Variants in PBX1 observed in about 807,000 individuals in gnomAD.
The protein encoded by PBX1 is pre-B-cell leukemia transcription factor 1.
PBX1 carries 6 observed loss-of-function variants against 53.4 expected under a neutral mutation model. That is an observed-to-expected ratio of 0.11 (90% CI 0.06 to 0.22). PBX1 has a LOEUF of 0.22. Ranked by LOEUF, PBX1 falls within the 10% of genes least tolerant of loss-of-function variation. The pLI, the probability that PBX1 is intolerant of heterozygous loss-of-function variation, is 1.00. For missense variants in PBX1, 251 were observed against 551.4 expected (o/e 0.46, Z 5.46); for synonymous variants, 204 against 212.3 (o/e 0.96, Z 0.34).
At chr1:164,826,624 C>CA (rs1030902685) in intron 8 of PBX1, among the ~76,000 whole-genome samples, 4 of 152,108 alleles carry the variant, frequency 2.6e-5, no homozygotes, top group African/African-American at 9.7e-5. Context: ...AGGCTGGTCT[C>CA]AAACTCCTGA....
rs564177542 is a variant in PBX1 at position 164,670,427 on chromosome 1, G to A, written c.265+107116G>A. 2.0e-5 allele frequency among the ~76,000 whole-genome samples: 3 copies of A among 152,278 alleles called. No homozygotes were observed. The South Asian group carries it at 6.2e-4, about 32-fold the overall frequency. On this transcript the variant is annotated intron_variant, in intron 2 of 8. Coordinates refer to ENST00000420696, the MANE Select transcript of PBX1 (RefSeq NM_002585.4). ...TCCCCTTACTCTCATTAAAAAATAT[G>A]TATGTCAGCTATCCCTCCTTCCTTT...
intron 2 of PBX1, among the ~76,000 whole-genome samples, chr1:164,593,819 T>C (rs1300008468): frequency 6.6e-6 from 1 of 152,196 alleles, no homozygotes; most frequent in Non-Finnish European, 1.5e-5. Flanking sequence ...CTCCGTTTCT[T>C]CCGTGGCTCT....
rs559047233 is a variant in PBX1 at position 164,793,665 on chromosome 1, G to C, written c.510+927G>C. Among the ~76,000 whole-genome samples, 3 of 152,164 alleles carry C rather than the reference G, an allele frequency of 2.0e-5. No homozygotes were observed. In the East Asian group the frequency reaches 5.8e-4, roughly 29 times the overall value. ...TAGTTCCTCTGGTTAGTGTAAGCAT[G>C]CTACTTTATCAGGAGTCCTTTAACA... On this transcript the variant is annotated intron_variant, in intron 3 of 8. Coordinates refer to ENST00000420696, the MANE Select transcript of PBX1 (RefSeq NM_002585.4).
rs1484674087 is a variant in PBX1 at position 164,649,593 on chromosome 1, ATTG to A, written c.265+86284_265+86286del. On this transcript the variant is annotated intron_variant, in intron 2 of 8. Coordinates refer to ENST00000420696, the MANE Select transcript of PBX1 (RefSeq NM_002585.4). ...GAGCCATGGCCACTTGGCTTCCTAG[ATTG>A]TGTCCCATGAATTCAAGCATAAGGA... Among the ~76,000 whole-genome samples the A allele has an allele frequency of 5.9e-5, 9 of 152,134 alleles. No homozygotes were observed. The East Asian group carries it at 1.2e-3, about 20-fold the overall frequency.
At chr1:164,624,327 T>C (rs1571092086) in intron 2 of PBX1, among the ~76,000 whole-genome samples, 2 of 152,222 alleles carry the variant, frequency 1.3e-5, no homozygotes, top group South Asian at 4.1e-4. Flanking sequence ...ATCAAGACCA[T>C]GTAAGCTCAG....
intron 2 of PBX1, among the ~76,000 whole-genome samples, chr1:164,672,741 A>G (rs1661187965): frequency 6.6e-6 from 1 of 152,232 alleles, no homozygotes; most frequent in African/African-American, 2.4e-5. Context: ...ACATCTGATT[A>G]TTCGCAACTG....
chr1:164,867,657 T>A (rs1672249617), intron 2 of PBX1, among the ~76,000 whole-genome samples: 1 of 152,122 alleles, frequency 6.6e-6, no homozygotes, highest in Non-Finnish European at 1.5e-5. Flanking sequence ...GAATTATAAA[T>A]AAACCCCAGA....
intron 2 of PBX1, among the ~76,000 whole-genome samples, chr1:164,594,529 CCT>C (rs1655623841): frequency 1.3e-5 from 2 of 152,144 alleles, no homozygotes; most frequent in Non-Finnish European, 2.9e-5. Flanking sequence ...GATCCTCCTG[CCT>C]TGGCCTCCCA....
intron 2 of PBX1, among the ~76,000 whole-genome samples, chr1:164,589,933 G>C (rs542442998): frequency 3.3e-5 from 5 of 152,310 alleles, no homozygotes; most frequent in African/African-American, 1.2e-4. Flanking sequence ...GAAAGGCCAG[G>C]TGCGGTGGCT....
chr1:164,786,693 G>A (rs1388702779), intron 2 of PBX1, among the ~76,000 whole-genome samples: 1 of 143,978 alleles, frequency 6.9e-6, no homozygotes, highest in Non-Finnish European at 1.5e-5. Context: ...GTGTGTGTGT[G>A]TGTGTGTGTG....
Position 164,880,872 on chromosome 1 carries a change from GAC to G in PBX1, n.258-18314_258-18313del, listed in dbSNP as rs1488133864. 1.1e-4 allele frequency among the ~76,000 whole-genome samples: 16 copies of G among 152,368 alleles called. No homozygotes were observed. In the South Asian group the frequency reaches 3.3e-3, roughly 32 times the overall value. Reference sequence around the variant, plus strand: ...TAGCTATTGTTGCATTACTGATAAGGACAGTTTGGAAAAGGAAAAAAGCCACT... The same window carrying G: ...TAGCTATTGTTGCATTACTGATAAGGAGTTTGGAAAAGGAAAAAAGCCACT... On this transcript the variant is annotated intron_variant and non_coding_transcript_variant, in intron 2 of 2. Coordinates refer to the PBX1 transcript ENST00000558796.
intron 2 of PBX1, among the ~76,000 whole-genome samples, chr1:164,634,885 G>A (rs2792249): frequency 0.32 from 49,345 of 151,890 alleles, 9,162 homozygotes; most frequent in Middle Eastern, 0.44. Context: ...CTATGTGCAC[G>A]TGGTTCTATG....
At chr1:164,775,444 G>A (rs937930631) in intron 2 of PBX1, among the ~76,000 whole-genome samples, 5 of 152,090 alleles carry the variant, frequency 3.3e-5, no homozygotes, top group Non-Finnish European at 5.9e-5. Context: ...AAGGATGCCC[G>A]CAGAGACCAT....
Position 164,849,203 on chromosome 1 carries a change from T to G in PBX1, c.*2527T>G. The stretch of plus-strand genomic sequence containing the variant: ...CCAGATGTGGCCTGAATAATTGCCA[T>G]GTTAAGTTAATGCAAAAGATCAGAA... On this transcript the variant is annotated 3_prime_UTR_variant, in exon 9 of 9. Coordinates refer to ENST00000420696, the MANE Select transcript of PBX1 (RefSeq NM_002585.4). 3.5e-6 allele frequency: 5 copies of G among 1,444,790 alleles called. No homozygotes were observed. The highest frequency in any genetic ancestry group is 3.6e-6 in the Non-Finnish European group (4 of 1,096,738). The allele number at this position is 1,444,790 out of a possible 1,614,324, so 89.5% of individuals were successfully genotyped here.
intron 2 of PBX1, among the ~76,000 whole-genome samples, chr1:164,784,785 G>A (rs1668097752): frequency 6.6e-6 from 1 of 152,124 alleles, no homozygotes; most frequent in Non-Finnish European, 1.5e-5. Context: ...AACATTTGAG[G>A]GCCGCAAATT....
Position 164,849,485 on chromosome 1 carries a change from T to C in PBX1, c.*2809T>C. On this transcript the variant is annotated 3_prime_UTR_variant, in exon 9 of 9. Coordinates refer to ENST00000420696, the MANE Select transcript of PBX1 (RefSeq NM_002585.4). Reference sequence around the variant, plus strand: ...AAGAGCATGCCTCTGGAAACACAGCTTCCTGGGAATTCACATGAGGCCAGT... The same window carrying C: ...AAGAGCATGCCTCTGGAAACACAGCCTCCTGGGAATTCACATGAGGCCAGT... 6.5e-7 allele frequency: 1 copy of C among 1,528,522 alleles called. No individual in the cohort carries two copies. The highest frequency in any genetic ancestry group is 2.5e-5 in the East Asian group (1 of 40,764). 94.7% of individuals were successfully genotyped at this position (1,528,522 alleles called of 1,614,324 possible).
chr1:164,794,193 A>G (rs1270110577), intron 3 of PBX1, among the ~76,000 whole-genome samples: 1 of 152,184 alleles, frequency 6.6e-6, no homozygotes, highest in African/African-American at 2.4e-5. Flanking sequence ...TTTAAAAGCC[A>G]AAAAAGAAGA....
rs116082108 is a variant in PBX1, at chr1:164,766,188, T to C, written c.266-26306T>C. ...CAGAAGCTGAGAAGGGGGAGATTAG[T>C]ATATGCTAGGGTGAAGGGAATCTAG... On this transcript the variant is annotated intron_variant, in intron 2 of 8. Coordinates refer to ENST00000420696, the MANE Select transcript of PBX1 (RefSeq NM_002585.4). Among the ~76,000 whole-genome samples the C allele has an allele frequency of 2.4e-3, 373 of 152,256 alleles. 4 individuals carry two copies. Among genetic ancestry groups the C allele is most frequent in the African/African-American group, 8.6e-3 (358 of 41,540 alleles).
rs1223116176 is a variant in PBX1, at chr1:164,723,137, A to G, written c.266-69357A>G. ...GAGCACCTATCATGTACCAGATTGT[A>G]CATGTACCCAGATTGGGCATTATGC... On this transcript the variant is annotated intron_variant, in intron 2 of 8. Coordinates refer to ENST00000420696, the MANE Select transcript of PBX1 (RefSeq NM_002585.4). Among the ~76,000 whole-genome samples the G allele has an allele frequency of 3.9e-5, 6 of 152,188 alleles. No homozygotes were observed. The East Asian group carries it at 1.2e-3, about 29-fold the overall frequency.
Sources: gnomAD v4.1 joint callset for allele counts (sites outside exome capture counted in the v4.1 genomes callset) on GRCh38, gnomAD v4.1.1 for gene constraint, MANE v1.5 for transcripts, NCBI Gene and HGNC (gene_info 2026-07-23, HGNC 2026-07-21) for gene names.